TLL1: variants seen among roughly 807,000 people sequenced by gnomAD.
The protein encoded by TLL1 is tolloid-like protein 1.
TLL1 carries 49 observed loss-of-function variants against 128.2 expected under a neutral mutation model. The ratio of observed to expected loss-of-function variants is 0.38; its 90% CI spans 0.30 to 0.48. The LOEUF is 0.48. Ranked by LOEUF, TLL1 falls within the 20% of genes least tolerant of loss-of-function variation. The pLI is 0.96. For synonymous variants in TLL1, 454 were observed against 418.8 expected, an observed-to-expected ratio of 1.08 and a Z score of -1.03; for missense variants, 1,123 against 1,242.0, an observed-to-expected ratio of 0.90 and a Z score of 1.44.
At chr4:166,030,724 T>A in intron 9 of TLL1, 1 of 1,179,442 alleles carries the variant, frequency 8.5e-7, no homozygotes, top group South Asian at 4.3e-5. Context: ...CAACACCATT[T>A]GTTAAAGATT....
intron 1 of TLL1, among the ~76,000 whole-genome samples, chr4:165,902,594 C>T (rs574132236): frequency 3.3e-4 from 50 of 152,258 alleles, no homozygotes; most frequent in Non-Finnish European, 6.3e-4. Context: ...CTTTGGCTTG[C>T]CTTCCGTGGG....
At chr4:165,997,993 G>A (rs961247048) in intron 5 of TLL1, among the ~76,000 whole-genome samples, 13 of 152,128 alleles carry the variant, frequency 8.5e-5, no homozygotes. Flanking sequence ...AGAGAACTCT[G>A]GTTGTAGCTG....
intron 1 of TLL1, among the ~76,000 whole-genome samples, chr4:165,897,518 C>G (rs1013659780): frequency 6.6e-6 from 1 of 152,062 alleles, no homozygotes; most frequent in Admixed American, 6.6e-5. Context: ...TCAAGTTTGT[C>G]AGAGATCAGA....
At chr4:165,983,828 T>G (rs2111000810) in intron 1 of TLL1, among the ~76,000 whole-genome samples, 1 of 151,974 alleles carries the variant, frequency 6.6e-6, no homozygotes, top group South Asian at 2.1e-4. Context: ...CTACACTGGG[T>G]GAAGACATAC....
At chr4:165,933,580 C>A (rs1733630422) in intron 1 of TLL1, among the ~76,000 whole-genome samples, 1 of 152,152 alleles carries the variant, frequency 6.6e-6, no homozygotes, top group Non-Finnish European at 1.5e-5. Flanking sequence ...CCAGCCATAT[C>A]AGGTACCTTC....
intron 1 of TLL1, among the ~76,000 whole-genome samples, chr4:165,920,337 G>C (rs1001854182): frequency 1.3e-5 from 2 of 152,190 alleles, no homozygotes; most frequent in Non-Finnish European, 2.9e-5. Context: ...TTATAACTTT[G>C]AGAATAGTTT....
At chr4:166,038,527 T>G (rs1234364888) in intron 9 of TLL1, among the ~76,000 whole-genome samples, 1 of 151,806 alleles carries the variant, frequency 6.6e-6, no homozygotes, top group Non-Finnish European at 1.5e-5. Flanking sequence ...TTGCATCAGA[T>G]AAGCATACTT....
At chr4:165,892,160 C>T (rs772370081) in intron 1 of TLL1, among the ~76,000 whole-genome samples, 6 of 152,182 alleles carry the variant, frequency 3.9e-5, no homozygotes, top group Admixed American at 2.6e-4. Context: ...ATCATGAAAA[C>T]AGCATGGATG....
intron 9 of TLL1, among the ~76,000 whole-genome samples, chr4:166,027,164 C>T (rs1738538216): frequency 6.6e-6 from 1 of 151,988 alleles, no homozygotes; most frequent in South Asian, 2.1e-4. Flanking sequence ...CACAAGTTCT[C>T]ATTTATAAGT....
chr4:166,016,031 G>A (rs1461362501), intron 8 of TLL1, among the ~76,000 whole-genome samples: 1 of 151,800 alleles, frequency 6.6e-6, no homozygotes, highest in South Asian at 2.1e-4. Flanking sequence ...ATAAATATAT[G>A]TCTGCCTAAT....
chr4:165,999,440 G>A (rs953228219), intron 5 of TLL1, among the ~76,000 whole-genome samples: 8 of 152,124 alleles, frequency 5.3e-5, no homozygotes, highest in Non-Finnish European at 1.5e-5. Context: ...GAGTGCAGGG[G>A]AAACTGTCAC....
intron 1 of TLL1, among the ~76,000 whole-genome samples, chr4:165,925,161 A>G (rs1733212043): frequency 6.6e-6 from 1 of 152,232 alleles, no homozygotes; most frequent in South Asian, 2.1e-4. Context: ...TTGGCTTTCA[A>G]GTGTTATTGG....
chr4:166,074,755 G>A (rs970450859), intron 16 of TLL1, 123 bp from the exon 17 acceptor site: 3 of 1,218,054 alleles, frequency 2.5e-6, no homozygotes. Flanking sequence ...TTTTATGTTG[G>A]GAACAGGAGA....
intron 1 of TLL1, among the ~76,000 whole-genome samples, chr4:165,930,003 C>T (rs764262830): frequency 1.6e-4 from 24 of 152,240 alleles, no homozygotes; most frequent in Non-Finnish European, 2.9e-4. Context: ...ACTCACTGCT[C>T]GCTATGAATT....
rs1378667284 is a variant in TLL1 at position 166,051,953 on chromosome 4, T to C, written c.1525-3123T>C. On this transcript the variant is annotated intron_variant, in intron 12 of 20. Transcript: ENST00000061240. ...CTATTTTTACCTGTGAAATATTTAC[T>C]CTTTGTGTATCATATAAAATATTTA... is the stretch of plus-strand genomic sequence containing the variant. Among the ~76,000 whole-genome samples the C allele has an allele frequency of 2.0e-5, 3 of 152,168 alleles. No homozygotes were observed. The South Asian group carries it at 6.2e-4, about 31-fold the overall frequency.
chr4:165,893,896 C>T (rs1038511899), intron 1 of TLL1, among the ~76,000 whole-genome samples: 15 of 152,228 alleles, frequency 9.9e-5, no homozygotes, highest in African/African-American at 3.6e-4. Context: ...TAGGATAAAA[C>T]TCAAAAAGAC....
At chr4:165,897,863 A>G (rs946823646) in intron 1 of TLL1, among the ~76,000 whole-genome samples, 1 of 152,102 alleles carries the variant, frequency 6.6e-6, no homozygotes, top group African/African-American at 2.4e-5. Context: ...ACCCATGAGC[A>G]TGGAATGTTT....
intron 18 of TLL1, among the ~76,000 whole-genome samples, chr4:166,079,569 A>G (rs371102421): frequency 2.2e-4 from 33 of 152,028 alleles, no homozygotes; most frequent in African/African-American, 7.7e-4. Context: ...TTTTCTTTTT[A>G]TCAGCAATTT....
chr4:166,022,054 T>C (rs1435242456), intron 8 of TLL1, among the ~76,000 whole-genome samples: 1 of 152,224 alleles, frequency 6.6e-6, no homozygotes, highest in Non-Finnish European at 1.5e-5. Flanking sequence ...AAAATTGTAT[T>C]TATGATATTT....
Sources: gnomAD v4.1 joint callset for allele counts (sites outside exome capture counted in the v4.1 genomes callset) on GRCh38, gnomAD v4.1.1 for gene constraint, MANE v1.5 for transcripts, NCBI Gene and HGNC (gene_info 2026-07-23, HGNC 2026-07-21) for gene names.